Variants in UTS2 observed in about 807,000 individuals in gnomAD.
UTS2 encodes urotensin-2.
A neutral mutation model predicts 12.6 loss-of-function variants in UTS2; 10 were observed. The observed-to-expected ratio is 0.80, with a 90% CI of 0.49 to 1.35. The LOEUF (loss-of-function observed/expected upper bound fraction) is 1.35, where lower values mean the gene tolerates loss of function less well. Ranked by LOEUF, UTS2 falls within the 40% of genes most tolerant of loss-of-function variation. UTS2 has a pLI of 0.00. For synonymous variants in UTS2, 52 were observed against 50.0 expected (o/e 1.04, Z -0.17); for missense variants, 142 against 143.2 (o/e 0.99, Z 0.04).
chr1:7,857,431 AAATAT>A (rs1445557153), upstream of UTS2, among the ~76,000 whole-genome samples: 1 of 151,772 alleles, frequency 6.6e-6, no homozygotes, highest in Non-Finnish European at 1.5e-5. Context: ...AAAACTTGGA[AAATAT>A]AATAAAAGAA....
chr1:7,885,496 G>A, the UTS2 span, among the ~76,000 whole-genome samples: 1 of 152,134 alleles, frequency 6.6e-6, no homozygotes, highest in African/African-American at 2.4e-5. Flanking sequence ...GCAGGGAACC[G>A]CGACTCGGGA....
At chr1:7,858,899 T>TATG in the UTS2 span, among the ~76,000 whole-genome samples, 1 of 152,164 alleles carries the variant, frequency 6.6e-6, no homozygotes, top group African/African-American at 2.4e-5. Flanking sequence ...AACTTCTGAA[T>TATG]ATGAGGTTAC....
upstream of UTS2, among the ~76,000 whole-genome samples, chr1:7,854,344 A>T (rs1314371151): frequency 3.8e-4 from 25 of 65,462 alleles, no homozygotes; most frequent in African/African-American, 1.0e-3. Context: ...ACTCTGTCTA[A>T]AAAAAAAAAA....
At chr1:7,867,502 C>T in the UTS2 span, among the ~76,000 whole-genome samples, 13 of 152,246 alleles carry the variant, frequency 8.5e-5, no homozygotes, top group South Asian at 4.1e-4. Context: ...CATGTGAAGA[C>T]GCAAGGAAAA....
At chr1:7,912,624 T>A in the UTS2 span, among the ~76,000 whole-genome samples, 1 of 152,116 alleles carries the variant, frequency 6.6e-6, no homozygotes, top group Non-Finnish European at 1.5e-5. Context: ...CGGCTAACTT[T>A]TTTATATTTT....
At chr1:7,895,294 G>T in the UTS2 span, among the ~76,000 whole-genome samples, 2 of 151,982 alleles carry the variant, frequency 1.3e-5, no homozygotes, top group Non-Finnish European at 2.9e-5. Flanking sequence ...CCTTGAACCC[G>T]GGAGGCAGAG....
chr1:7,894,090 C>T, the UTS2 span, among the ~76,000 whole-genome samples: 4 of 151,998 alleles, frequency 2.6e-5, no homozygotes, highest in Admixed American at 2.0e-4. Context: ...GAACTCTACC[C>T]CATCCACTGT....
the UTS2 span, among the ~76,000 whole-genome samples, chr1:7,862,160 C>T: frequency 6.6e-6 from 1 of 151,750 alleles, no homozygotes; most frequent in Non-Finnish European, 1.5e-5. Context: ...TGATTCCCCC[C>T]CCGCCCCCGC....
chr1:7,884,941 T>A, the UTS2 span, among the ~76,000 whole-genome samples: 1 of 145,276 alleles, frequency 6.9e-6, no homozygotes, highest in Non-Finnish European at 1.5e-5. Context: ...CACCTATCAT[T>A]CATCCATCCA....
the UTS2 span, among the ~76,000 whole-genome samples, chr1:7,881,791 G>A: frequency 4.6e-5 from 7 of 152,142 alleles, no homozygotes; most frequent in Admixed American, 6.5e-5. Context: ...CCTAAAATTC[G>A]TATGGGACCA....
chr1:7,864,998 A>T, the UTS2 span, among the ~76,000 whole-genome samples: 130 of 40,060 alleles, frequency 3.2e-3, 2 homozygotes, highest in Admixed American at 5.2e-3. Flanking sequence ...TGATACCATC[A>T]TCCCCCTGTG....
chr1:7,848,052 C>T (rs530363153), intron 3 of UTS2, among the ~76,000 whole-genome samples, 170 bp from the exon 4 acceptor site: 207 of 152,310 alleles, frequency 1.4e-3, no homozygotes, highest in African/African-American at 4.7e-3. Context: ...GCCCGTGGGG[C>T]TCCTGTGCCC....
chr1:7,906,327 G>A, the UTS2 span, among the ~76,000 whole-genome samples: 28 of 22,304 alleles, frequency 1.3e-3, no homozygotes, highest in Admixed American at 4.7e-3. Flanking sequence ...CCTTTCCTTC[G>A]TCCATACAGC....
the UTS2 span, among the ~76,000 whole-genome samples, chr1:7,871,963 G>A: frequency 1.3e-5 from 2 of 152,124 alleles, no homozygotes; most frequent in African/African-American, 4.8e-5. Flanking sequence ...GTGTTCAACT[G>A]AAAGGCAGAG....
At chr1:7,854,723 G>A (rs1638268853), upstream of UTS2, among the ~76,000 whole-genome samples, 1 of 151,966 alleles carries the variant, frequency 6.6e-6, no homozygotes, top group Non-Finnish European at 1.5e-5. Context: ...ATGTATAGTT[G>A]AAGATTTCTA....
chr1:7,873,142 T>C, the UTS2 span, among the ~76,000 whole-genome samples: 2 of 152,126 alleles, frequency 1.3e-5, no homozygotes, highest in Non-Finnish European at 2.9e-5. Context: ...CCTACTGCTC[T>C]AAAAAAAATT....
rs2097409128 is a variant in UTS2, at chr1:7,847,698, A to G, written c.*68T>C. 3 of 1,242,342 alleles carry G rather than the reference A, an allele frequency of 2.4e-6. No individual in the cohort carries two copies. The highest frequency in any genetic ancestry group is 3.0e-5 in the African/African-American group (2 of 66,230). The allele number at this position is 1,242,342 out of a possible 1,614,324, so 77.0% of individuals were successfully genotyped here. ...TTTTCTCCACACTGTTTTCAAATCA[A>G]GCATTGTGTTATTTTTCATATTCTA... On this transcript the variant is annotated 3_prime_UTR_variant, in exon 4 of 4. Coordinates refer to ENST00000361696, the MANE Select transcript of UTS2 (RefSeq NM_006786.4).
chr1:7,890,305 C>T, the UTS2 span, among the ~76,000 whole-genome samples: 3 of 152,232 alleles, frequency 2.0e-5, no homozygotes, highest in Admixed American at 1.3e-4. Flanking sequence ...ACTTAACTGC[C>T]GTGGGCTAAG....
the UTS2 span, among the ~76,000 whole-genome samples, chr1:7,881,531 A>G: frequency 2.6e-5 from 4 of 152,246 alleles, no homozygotes; most frequent in African/African-American, 9.6e-5. Context: ...CCCATTTACA[A>G]GAGCTATAAA....
Sources: allele counts gnomAD v4.1 joint callset (sites outside exome capture counted in the v4.1 genomes callset), GRCh38; gene constraint gnomAD v4.1.1; transcripts MANE v1.5; gene names NCBI Gene and HGNC (gene_info 2026-07-23, HGNC 2026-07-21).